The following FHIT variants were observed in gnomAD, a reference collection of about 807,000 sequenced individuals.
FHIT encodes the protein bis(5'-adenosyl)-triphosphatase.
Under a neutral mutation model 17.9 loss-of-function variants are expected in FHIT, and 19 were observed. The ratio of observed to expected loss-of-function variants is 1.06; its 90% CI spans 0.74 to 1.56. The LOEUF is 1.56. FHIT is among the 40% of genes most tolerant of loss of function. The pLI, the probability that FHIT is intolerant of heterozygous loss-of-function variation, is 0.00. For missense variants in FHIT, 248 were observed against 189.2 expected, an observed-to-expected ratio of 1.31 and a Z score of -1.82; for synonymous variants, 81 against 69.7, an observed-to-expected ratio of 1.16 and a Z score of -0.81.
chr3:61,054,569 G>C (rs1367420973), intron 2 of FHIT, among the ~76,000 whole-genome samples: 5 of 152,080 alleles, frequency 3.3e-5, no homozygotes, highest in Admixed American at 3.3e-4. Flanking sequence ...TTTTTGATTT[G>C]TGACTCATGG....
chr3:61,124,423 A>T (rs2036550303), intron 2 of FHIT, among the ~76,000 whole-genome samples: 1 of 151,980 alleles, frequency 6.6e-6, no homozygotes, highest in African/African-American at 2.4e-5. Context: ...ATGCTTAACA[A>T]CGGCTGGTGG....
intron 8 of FHIT, among the ~76,000 whole-genome samples, chr3:59,825,981 G>T (rs1325147461): frequency 6.6e-6 from 1 of 152,120 alleles, no homozygotes; most frequent in African/African-American, 2.4e-5. Flanking sequence ...CTAAAAATAA[G>T]GAATATTGAC....
At chr3:60,537,294 C>G (rs1409961293) in intron 4 of FHIT, among the ~76,000 whole-genome samples, 2 of 152,080 alleles carry the variant, frequency 1.3e-5, no homozygotes, top group African/African-American at 4.8e-5. Flanking sequence ...TCCACAAGGC[C>G]CTATTTGTCA....
chr3:59,756,160 T>TAA (rs907021145), intron 8 of FHIT, among the ~76,000 whole-genome samples: 10 of 152,118 alleles, frequency 6.6e-5, no homozygotes. Context: ...TTTCTAGGAG[T>TAA]AAAAGTATTT....
intron 3 of FHIT, among the ~76,000 whole-genome samples, chr3:61,033,487 A>G (rs1463101660): frequency 2.0e-5 from 3 of 152,162 alleles, no homozygotes; most frequent in African/African-American, 7.2e-5. Context: ...TATTTTTAAT[A>G]TTTTTGGCTA....
At chr3:60,556,464 A>C in intron 4 of FHIT, among the ~76,000 whole-genome samples, 1 of 152,242 alleles carries the variant, frequency 6.6e-6, no homozygotes, top group African/African-American at 2.4e-5. Context: ...CAATGAGGAC[A>C]AATGAGCATT....
chr3:60,268,575 T>C (rs1706705685), intron 5 of FHIT, among the ~76,000 whole-genome samples: 2 of 152,242 alleles, frequency 1.3e-5, no homozygotes, highest in African/African-American at 2.4e-5. Flanking sequence ...TTTGCAATTA[T>C]GTATTATTTA....
rs1052690147 is a variant in FHIT at position 59,826,312 on chromosome 3, T to C, written c.349-73991A>G. The stretch of plus-strand genomic sequence containing the variant: ...TTTTTGTAGAGATGGGGTTTCACCA[T>C]GTTGGATCACCCTACTTTAAAATTG... On this transcript the variant is annotated intron_variant, in intron 8 of 9. Transcript: ENST00000492590. Among the ~76,000 whole-genome samples, 8 of 152,342 alleles carry C rather than the reference T, an allele frequency of 5.3e-5. No homozygotes were observed. The East Asian group carries it at 1.2e-3, about 22-fold the overall frequency.
intron 8 of FHIT, among the ~76,000 whole-genome samples, chr3:59,918,359 G>A (rs773524300): frequency 1.3e-5 from 2 of 152,204 alleles, no homozygotes; most frequent in Non-Finnish European, 2.9e-5. Flanking sequence ...TATGTCAAGT[G>A]TGGGAGGTGT....
intron 3 of FHIT, among the ~76,000 whole-genome samples, chr3:60,981,179 C>T (rs1710474357): frequency 6.6e-6 from 1 of 152,228 alleles, no homozygotes; most frequent in Non-Finnish European, 1.5e-5. Flanking sequence ...AGATAATACC[C>T]TTCTGCCCAA....
At chr3:60,336,909 A>G (rs1710268511) in intron 5 of FHIT, among the ~76,000 whole-genome samples, 1 of 151,738 alleles carries the variant, frequency 6.6e-6, no homozygotes, top group Non-Finnish European at 1.5e-5. Flanking sequence ...AAAAAAAAAA[A>G]AGTTCTTTGT....
At chr3:61,175,386 C>G (rs9850125) in intron 2 of FHIT, among the ~76,000 whole-genome samples, 70,627 of 151,864 alleles carry the variant, frequency 0.47, 17,308 homozygotes, top group East Asian at 0.87. Flanking sequence ...GCTTGACCAC[C>G]TCCCCCATCA....
chr3:60,895,488 A>C (rs75114524), intron 3 of FHIT, among the ~76,000 whole-genome samples: 3,366 of 152,204 alleles, frequency 0.022, 125 homozygotes, highest in African/African-American at 0.077. Flanking sequence ...ACAAGCTTTC[A>C]CTCAATGGTT....
chr3:60,837,004 G>A (rs1702563332), intron 3 of FHIT, among the ~76,000 whole-genome samples: 2 of 152,104 alleles, frequency 1.3e-5, no homozygotes, highest in African/African-American at 4.8e-5. Flanking sequence ...ATTTCATTCA[G>A]GACTTTGAAT....
intron 4 of FHIT, among the ~76,000 whole-genome samples, chr3:60,584,251 G>GA (rs1360960720): frequency 6.6e-6 from 1 of 151,976 alleles, no homozygotes; most frequent in East Asian, 1.9e-4. Flanking sequence ...CAGCACCACA[G>GA]AAATTCAGAA....
At position 59,940,969 on chromosome 3, in the gene FHIT, T is replaced by C. The variant is rs17374699; in HGVS notation, c.280-18555A>G. On this transcript the variant is annotated intron_variant, in intron 7 of 9. Transcript: ENST00000492590. ...ATCTCAAATTAAAATCTGCATTTATTCACTTTTTCATTTTTTGTTCCCATA... is the reference window on the plus strand; with the variant it reads ...ATCTCAAATTAAAATCTGCATTTATCCACTTTTTCATTTTTTGTTCCCATA... Among the ~76,000 whole-genome samples, 463 of 152,280 alleles carry C rather than the reference T, an allele frequency of 3.0e-3. 2 individuals are homozygous for C. The highest frequency in any genetic ancestry group is 0.011 in the African/African-American group (437 of 41,554).
intron 5 of FHIT, among the ~76,000 whole-genome samples, chr3:60,532,679 G>C (rs1427565273): frequency 6.6e-6 from 1 of 152,200 alleles, no homozygotes; most frequent in Non-Finnish European, 1.5e-5. Flanking sequence ...AAACAGTGTT[G>C]GCAAGGAACA....
intron 5 of FHIT, among the ~76,000 whole-genome samples, chr3:60,135,020 G>T (rs553299732): frequency 3.3e-5 from 5 of 152,090 alleles, no homozygotes; most frequent in Non-Finnish European, 7.4e-5. Context: ...AAGAGAAAGG[G>T]AAGCCAGTGA....
At chr3:59,931,750 C>A (rs1256539373) in intron 7 of FHIT, among the ~76,000 whole-genome samples, 1 of 152,090 alleles carries the variant, frequency 6.6e-6, no homozygotes, top group Non-Finnish European at 1.5e-5. Flanking sequence ...CGTGGCTTAA[C>A]AATTGTGTTT....
Sources: allele counts gnomAD v4.1 joint callset (sites outside exome capture counted in the v4.1 genomes callset), GRCh38; gene constraint gnomAD v4.1.1; transcripts MANE v1.5; gene names NCBI Gene and HGNC (gene_info 2026-07-23, HGNC 2026-07-21).